Variants in SLC7A7 observed in about 807,000 individuals in gnomAD.
The protein encoded by SLC7A7 is solute carrier family 7 member 7, also known as Y+L amino acid transporter 1.
In SLC7A7, 39 loss-of-function variants were observed where a neutral mutation model predicts 47.9. The ratio of observed to expected loss-of-function variants is 0.81; its 90% CI spans 0.63 to 1.06. The LOEUF (loss-of-function observed/expected upper bound fraction) is 1.06, where lower values mean the gene tolerates loss of function less well. Among genes scored for constraint, SLC7A7 ranks in the 50% least tolerant of loss-of-function variants. The probability of loss-of-function intolerance (pLI) is 0.00; values close to 1 mark genes in which losing one functional copy is unlikely to be tolerated. For synonymous variants in SLC7A7, 234 were observed against 242.8 expected, an observed-to-expected ratio of 0.96 and a Z score of 0.34; for missense variants, 588 against 632.0, an observed-to-expected ratio of 0.93 and a Z score of 0.75.
rs58930730 is a variant in SLC7A7, at chr14:22,812,773, CTATATA to C, written c.499+121_499+126del. On this transcript the variant is annotated intron_variant, in intron 2 of 9. Coordinates refer to ENST00000674313, the MANE Select transcript of SLC7A7 (RefSeq NM_003982.4). ...AATTTTCACACAAAGCATACTTTAA[CTATATA>C]TATATATATATATGTTGTCAGAGAC... 3,634 of 428,692 alleles carry C rather than the reference CTATATA, an allele frequency of 8.5e-3. 23 individuals are homozygous for C. The highest frequency in any genetic ancestry group is 0.019 in the South Asian group (356 of 18,742). The allele number at this position is 428,692 out of a possible 1,614,324, so 26.6% of individuals were successfully genotyped here.
intron 4 of SLC7A7, 42 bp from the exon 5 acceptor site, chr14:22,776,360 A>C (rs2038607278): frequency 5.0e-6 from 8 of 1,613,746 alleles, no homozygotes; most frequent in Non-Finnish European, 5.9e-6. Context: ...TCCCACAGTC[A>C]TATCCCTATC....
At position 22,774,638 on chromosome 14, in the gene SLC7A7, T is replaced by C. The variant is rs1594943532; in HGVS notation, c.1096-135A>G. 5.3e-6 allele frequency: 6 copies of C among 1,134,870 alleles called. No individual in the cohort carries two copies. The East Asian group carries it at 1.4e-4, about 27-fold the overall frequency. The allele number at this position is 1,134,870 out of a possible 1,614,324, so 70.3% of individuals were successfully genotyped here. A position where few individuals can be genotyped will look rare whatever the true frequency, so the allele number is the denominator to read the frequency against. The stretch of plus-strand genomic sequence containing the variant: ...TGGTCCTCTTCTGGTTTTAATCCCT[T>C]TAACACCCTAGTTTCAGTACCTTAT... On this transcript the variant is annotated intron_variant, in intron 7 of 9. Coordinates refer to ENST00000674313, the MANE Select transcript of SLC7A7 (RefSeq NM_003982.4).
chr14:22,806,357 G>A lies in SLC7A7; in HGVS notation c.499+6543C>T, dbSNP rs146315666. On this transcript the variant is annotated intron_variant, in intron 2 of 9. Coordinates refer to ENST00000674313, the MANE Select transcript of SLC7A7 (RefSeq NM_003982.4). Reference sequence around the variant, plus strand: ...ATTACAGGTGCCCGCCATCATGCCCGGCTAATTTTTTTGTGTTTTAGTAGA... The same window carrying A: ...ATTACAGGTGCCCGCCATCATGCCCAGCTAATTTTTTTGTGTTTTAGTAGA... Among the ~76,000 whole-genome samples the A allele has an allele frequency of 3.1e-3, 464 of 151,368 alleles. 4 individuals are homozygous for A. The highest frequency in any genetic ancestry group is 9.8e-3 in the African/African-American group (405 of 41,296).
rs867232339 is a variant in SLC7A7 at position 22,786,039 on chromosome 14, A to G, written c.500-5988T>C. Among the ~76,000 whole-genome samples the G allele has an allele frequency of 4.4e-3, 659 of 148,256 alleles. 5 individuals are homozygous for G. Among genetic ancestry groups the G allele is most frequent in the African/African-American group, 0.013 (518 of 40,256 alleles). On this transcript the variant is annotated intron_variant, in intron 2 of 9. Coordinates refer to ENST00000674313, the MANE Select transcript of SLC7A7 (RefSeq NM_003982.4). ...TCTGTCTCAAAAAAAAAAAAAAAAA[A>G]GCCAGGTGCAGTGGCTCACGCCTGT...
chr14:22,806,687 G>C (rs2138642299), intron 2 of SLC7A7, among the ~76,000 whole-genome samples: 1 of 152,108 alleles, frequency 6.6e-6, no homozygotes, highest in Admixed American at 6.6e-5. Flanking sequence ...AAGGATTATG[G>C]GATATGAGAA....
At chr14:22,814,905 TCTTTTCCTTG>T (rs1337896110) in intron 1 of SLC7A7, 1 of 185,256 alleles carries the variant, frequency 5.4e-6, no homozygotes, top group African/African-American at 2.4e-5. Flanking sequence ...CAGGCTATTA[TCTTTTCCTTG>T]CTTTTCCTTT....
chr14:22,796,662 T>C (rs1441730719), intron 2 of SLC7A7, among the ~76,000 whole-genome samples: 1 of 152,138 alleles, frequency 6.6e-6, no homozygotes, highest in Non-Finnish European at 1.5e-5. Context: ...AAAAATGTCC[T>C]GGTAGTGTCC....
rs1395747309 is a variant in SLC7A7 at position 22,773,241 on chromosome 14, A to AT, written c.*368dup. On this transcript the variant is annotated 3_prime_UTR_variant, in exon 10 of 10. Transcript: ENST00000674313. The stretch of plus-strand genomic sequence containing the variant: ...TCAGACTTTAGGAACATAAACTTTT[A>AT]TTGTCATCCAGCACCTGTGATAGTT... The AT allele has an allele frequency of 2.4e-6, 1 of 409,678 alleles. No individual in the cohort carries two copies. Among genetic ancestry groups the AT allele is most frequent in the Non-Finnish European group, 4.7e-6 (1 of 213,322 alleles). The allele number at this position is 409,678 out of a possible 1,614,324, so 25.4% of individuals were successfully genotyped here. A position where few individuals can be genotyped will look rare whatever the true frequency, so the allele number is the denominator to read the frequency against.
At chr14:22,798,922 C>CTT (rs2039063710) in intron 2 of SLC7A7, among the ~76,000 whole-genome samples, 1 of 152,200 alleles carries the variant, frequency 6.6e-6, no homozygotes, top group Non-Finnish European at 1.5e-5. Context: ...AACTACACTG[C>CTT]ATTAGAACAG....
rs2038662249 is a variant in SLC7A7 at position 22,778,782 on chromosome 14, G to A, written c.770+11C>T. On this transcript the variant is annotated intron_variant, in intron 4 of 9. Transcript: ENST00000674313. ...ATCACTGCTATGGAAAGTTGGTGGT[G>A]CAGTACCTACCTCTCAGGATTCTTG... 1 of 1,613,574 alleles carries A rather than the reference G, an allele frequency of 6.2e-7. No individual in the cohort carries two copies. The highest frequency in any genetic ancestry group is 1.1e-5 in the South Asian group (1 of 91,068).
chr14:22,778,554 A>G (rs1314478753), intron 4 of SLC7A7, among the ~76,000 whole-genome samples: 1 of 143,084 alleles, frequency 7.0e-6, no homozygotes, highest in Non-Finnish European at 1.5e-5. Flanking sequence ...GCAGAAATTA[A>G]TGAACAAATG....
At chr14:22,780,382 G>A (rs2038698498) in intron 2 of SLC7A7, 3 of 305,076 alleles carry the variant, frequency 9.8e-6, no homozygotes, top group South Asian at 3.3e-5. Context: ...GATTGTTCCG[G>A]CTCTTGGCTC....
intron 2 of SLC7A7, among the ~76,000 whole-genome samples, chr14:22,808,836 T>G (rs1378651062): frequency 1.3e-5 from 2 of 152,206 alleles, no homozygotes; most frequent in Admixed American, 6.5e-5. Context: ...TAACCATAAC[T>G]ACTCAGATGA....
chr14:22,788,640 G>C (rs563414641), intron 2 of SLC7A7, among the ~76,000 whole-genome samples: 19 of 151,334 alleles, frequency 1.3e-4, no homozygotes, highest in African/African-American at 3.2e-4. Flanking sequence ...GGAGGTGGAG[G>C]TTGCAGTGAG....
intron 2 of SLC7A7, among the ~76,000 whole-genome samples, chr14:22,783,693 C>T (rs866942125): frequency 1.3e-5 from 2 of 151,838 alleles, no homozygotes; most frequent in African/African-American, 4.8e-5. Flanking sequence ...GAGTCACCGG[C>T]GTGGCGTGCC....
chr14:22,812,773 C>CTATATATATATATATATATACA (rs58930730), intron 2 of SLC7A7, 127 bp downstream of exon 2: 1 of 398,386 alleles, frequency 2.5e-6, no homozygotes, highest in Non-Finnish European at 3.9e-6. Flanking sequence ...CATACTTTAA[C>CTATATATATATATATATATACA]TATATATATA....
chr14:22,791,437 A>T (rs1474870566), intron 2 of SLC7A7, among the ~76,000 whole-genome samples: 1 of 152,210 alleles, frequency 6.6e-6, no homozygotes, highest in African/African-American at 2.4e-5. Flanking sequence ...CCAGTGAGAC[A>T]TCTCAGCTAT....
At chr14:22,790,331 A>C in intron 2 of SLC7A7, among the ~76,000 whole-genome samples, 1 of 3,066 alleles carries the variant, frequency 3.3e-4, no homozygotes, top group African/African-American at 8.7e-4. Context: ...CTGTCTCAAA[A>C]AAAAAAAAAA....
intron 2 of SLC7A7, among the ~76,000 whole-genome samples, chr14:22,789,953 T>G (rs924768284): frequency 3.9e-5 from 6 of 152,174 alleles, no homozygotes; most frequent in African/African-American, 1.4e-4. Flanking sequence ...TTCAGACTTC[T>G]GACCTCCAGA....
Sources: allele counts gnomAD v4.1 joint callset (sites outside exome capture counted in the v4.1 genomes callset), GRCh38; gene constraint gnomAD v4.1.1; transcripts MANE v1.5; gene names NCBI Gene and HGNC (gene_info 2026-07-23, HGNC 2026-07-21).